The following ACTR3C variants were observed in gnomAD, a reference collection of about 807,000 sequenced individuals.
ACTR3C encodes actin related protein 3C.
ACTR3C carries 18 observed loss-of-function variants against 26.3 expected under a neutral mutation model. The ratio of observed to expected loss-of-function variants is 0.68; its 90% CI spans 0.47 to 1.01. The LOEUF is 1.01. Ranked by LOEUF, ACTR3C falls within the 50% of genes least tolerant of loss-of-function variation. The pLI is 0.00. For synonymous variants in ACTR3C, 55 were observed against 94.5 expected (o/e 0.58, Z 2.42); for missense variants, 184 against 250.7 (o/e 0.73, Z 1.80).
chr7:150,006,765 A>G, the ACTR3C span, among the ~76,000 whole-genome samples: 1 of 152,118 alleles, frequency 6.6e-6, no homozygotes, highest in Non-Finnish European at 1.5e-5. Context: ...TGTATTCCCA[A>G]AAAAATATAC....
chr7:150,039,889 G>A, the ACTR3C span, among the ~76,000 whole-genome samples: 1 of 124,314 alleles, frequency 8.0e-6, no homozygotes, highest in South Asian at 2.7e-4. Context: ...CTCAGTCCCC[G>A]TGTCGTGAGG....
chr7:150,234,935 A>G, the ACTR3C span, among the ~76,000 whole-genome samples: 1 of 152,190 alleles, frequency 6.6e-6, no homozygotes, highest in Non-Finnish European at 1.5e-5. Flanking sequence ...AGAGAAAAAT[A>G]GTGTCTTCCC....
At chr7:149,929,147 A>G in the ACTR3C span, among the ~76,000 whole-genome samples, 16 of 152,176 alleles carry the variant, frequency 1.1e-4, no homozygotes, top group Non-Finnish European at 2.2e-4. Context: ...TCACCAATGG[A>G]CCAGGCACAG....
chr7:150,221,376 C>T, the ACTR3C span, among the ~76,000 whole-genome samples: 2 of 152,018 alleles, frequency 1.3e-5, no homozygotes, highest in African/African-American at 4.8e-5. Context: ...AGAAATTGAC[C>T]CCAGGGAACC....
chr7:150,129,952 G>A, the ACTR3C span, among the ~76,000 whole-genome samples: 1 of 152,162 alleles, frequency 6.6e-6, no homozygotes, highest in Non-Finnish European at 1.5e-5. Context: ...ACAGTAATCA[G>A]ACAGTGTAAT....
chr7:149,908,234 A>G, the ACTR3C span, among the ~76,000 whole-genome samples: 3 of 152,208 alleles, frequency 2.0e-5, no homozygotes, highest in South Asian at 6.2e-4. Context: ...TTGGACTTCC[A>G]ACCTCCAGAC....
At chr7:150,250,793 C>A (rs2129609197) in intron 6 of ACTR3C, among the ~76,000 whole-genome samples, 1 of 152,020 alleles carries the variant, frequency 6.6e-6, no homozygotes, top group East Asian at 1.9e-4. Context: ...GGTGGAAGAT[C>A]AGAAGTCTGG....
At chr7:150,039,378 G>T in the ACTR3C span, among the ~76,000 whole-genome samples, 7 of 99,800 alleles carry the variant, frequency 7.0e-5, no homozygotes, top group South Asian at 6.6e-4. Flanking sequence ...CTGCGATGGG[G>T]GTCCTAAGAA....
the ACTR3C span, among the ~76,000 whole-genome samples, chr7:149,895,025 G>T: frequency 6.6e-5 from 10 of 151,900 alleles, no homozygotes; most frequent in East Asian, 1.7e-3. Flanking sequence ...AGAAAATGTG[G>T]CTTTATAAAC....
At chr7:150,167,078 G>GAAGCC in the ACTR3C span, among the ~76,000 whole-genome samples, 9 of 143,526 alleles carry the variant, frequency 6.3e-5, 1 homozygote, top group African/African-American at 2.7e-4. Flanking sequence ...CACTTAGGTT[G>GAAGCC]ATGCCATATC....
chr7:149,996,150 T>C, the ACTR3C span, among the ~76,000 whole-genome samples: 47 of 152,378 alleles, frequency 3.1e-4, no homozygotes, highest in African/African-American at 1.1e-3. Flanking sequence ...GGGGAGCATC[T>C]GCCAGCAGTG....
intron 1 of ACTR3C, among the ~76,000 whole-genome samples, chr7:150,308,047 T>C (rs1795947308): frequency 1.3e-5 from 2 of 152,344 alleles, no homozygotes; most frequent in East Asian, 1.9e-4. Context: ...CAGTCTTTCC[T>C]TGGTGTCTAA....
chr7:150,035,984 CTG>C, the ACTR3C span, among the ~76,000 whole-genome samples: 1 of 134,122 alleles, frequency 7.5e-6, no homozygotes, highest in African/African-American at 3.0e-5. Flanking sequence ...CTCTCAGTCC[CTG>C]CCTCGCGGGG....
At chr7:150,276,035 C>A (rs1373436369) in intron 6 of ACTR3C, among the ~76,000 whole-genome samples, 1 of 152,138 alleles carries the variant, frequency 6.6e-6, no homozygotes, top group African/African-American at 2.4e-5. Context: ...AAATAAAAAT[C>A]TCCATTTTAA....
chr7:149,943,933 CT>C, the ACTR3C span, among the ~76,000 whole-genome samples: 1 of 143,460 alleles, frequency 7.0e-6, no homozygotes, highest in African/African-American at 2.9e-5. Context: ...ACACTGAAAA[CT>C]TAGCTTGGCT....
the ACTR3C span, among the ~76,000 whole-genome samples, chr7:149,965,904 G>T: frequency 1.3e-5 from 2 of 152,202 alleles, no homozygotes; most frequent in African/African-American, 4.8e-5. Context: ...AAGACCCAGA[G>T]AGTAAAGGTG....
At chr7:150,131,568 A>C in the ACTR3C span, among the ~76,000 whole-genome samples, 2 of 152,336 alleles carry the variant, frequency 1.3e-5, no homozygotes, top group South Asian at 4.1e-4. Flanking sequence ...TAGCCAGGAC[A>C]GGAGCTACAC....
the ACTR3C span, among the ~76,000 whole-genome samples, chr7:149,976,231 C>A: frequency 8.3e-4 from 126 of 152,220 alleles, no homozygotes; most frequent in African/African-American, 2.9e-3. Flanking sequence ...TTAATCAACT[C>A]TTTAATTTTT....
the ACTR3C span, among the ~76,000 whole-genome samples, chr7:149,959,468 T>A: frequency 1.3e-5 from 2 of 152,242 alleles, no homozygotes; most frequent in East Asian, 3.8e-4. Context: ...TCTGTGATTC[T>A]GCTTTTGTGT....
Sources: allele counts gnomAD v4.1 joint callset (sites outside exome capture counted in the v4.1 genomes callset), GRCh38; gene constraint gnomAD v4.1.1; transcripts MANE v1.5; gene names NCBI Gene and HGNC (gene_info 2026-07-23, HGNC 2026-07-21).